Variants in SEMA5A observed in about 807,000 individuals in gnomAD.
SEMA5A encodes semaphorin 5A.
A neutral mutation model predicts 135.5 loss-of-function variants in SEMA5A; 55 were observed. That is an observed-to-expected ratio of 0.41 (90% CI 0.33 to 0.51). The LOEUF is 0.51. SEMA5A is among the 20% of genes least tolerant of loss of function. SEMA5A has a pLI of 0.37. For missense variants in SEMA5A, 1,290 were observed against 1,419.9 expected (o/e 0.91, Z 1.47); for synonymous variants, 580 against 546.5 (o/e 1.06, Z -0.85).
chr5:9,528,899 C>T (rs1339271691), intron 1 of SEMA5A, among the ~76,000 whole-genome samples: 1 of 152,196 alleles, frequency 6.6e-6, no homozygotes, highest in African/African-American at 2.4e-5. Flanking sequence ...AGAACAGTTT[C>T]ACCTGGGAGC....
intron 1 of SEMA5A, among the ~76,000 whole-genome samples, chr5:9,477,486 G>A (rs1579605074): frequency 6.6e-6 from 1 of 152,232 alleles, no homozygotes; most frequent in South Asian, 2.1e-4. Context: ...AATGCTGATA[G>A]TGATGTTGAT....
chr5:9,420,127 G>A (rs1349932589), intron 2 of SEMA5A, among the ~76,000 whole-genome samples: 1 of 152,026 alleles, frequency 6.6e-6, no homozygotes. Context: ...CATCATGAAC[G>A]ATGTGCAATG....
chr5:9,110,060 G>A (rs1186929183), intron 15 of SEMA5A, among the ~76,000 whole-genome samples: 2 of 152,174 alleles, frequency 1.3e-5, no homozygotes, highest in African/African-American at 4.8e-5. Flanking sequence ...GAGGCACACT[G>A]AACCCCTGTC....
intron 16 of SEMA5A, among the ~76,000 whole-genome samples, chr5:9,068,207 T>C (rs1279645005): frequency 6.6e-6 from 1 of 152,236 alleles, no homozygotes; most frequent in Non-Finnish European, 1.5e-5. Flanking sequence ...CAGTCTTTGT[T>C]TTCTGCTCTG....
At chr5:9,341,667 ATATATAT>A (rs1314789268) in intron 3 of SEMA5A, among the ~76,000 whole-genome samples, 2 of 77,130 alleles carry the variant, frequency 2.6e-5, no homozygotes, top group Non-Finnish European at 6.6e-5. Flanking sequence ...AATATATATA[ATATATAT>A]TATATATATA....
At chr5:9,401,742 A>T (rs1306035071) in intron 2 of SEMA5A, among the ~76,000 whole-genome samples, 1 of 152,236 alleles carries the variant, frequency 6.6e-6, no homozygotes, top group African/African-American at 2.4e-5. Flanking sequence ...TTTTTGTCCT[A>T]TAGGAGTTTT....
At chr5:9,059,277 TAC>T (rs1180084112) in intron 18 of SEMA5A, among the ~76,000 whole-genome samples, 9 of 152,212 alleles carry the variant, frequency 5.9e-5, no homozygotes, top group African/African-American at 2.2e-4. Flanking sequence ...CTGTTGTCTG[TAC>T]CTTTGTAGGT....
chr5:9,269,120 G>A (rs1396353877), intron 5 of SEMA5A, among the ~76,000 whole-genome samples: 3 of 152,136 alleles, frequency 2.0e-5, no homozygotes, highest in South Asian at 2.1e-4. Context: ...GAAAATCCGC[G>A]GGATGGAGAC....
chr5:9,155,798 C>A (rs1267324992), intron 11 of SEMA5A, among the ~76,000 whole-genome samples: 3 of 152,106 alleles, frequency 2.0e-5, no homozygotes, highest in Non-Finnish European at 4.4e-5. Flanking sequence ...TCTATGAAAG[C>A]CATAGAGATG....
chr5:9,349,694 G>C (rs183919351), intron 3 of SEMA5A, among the ~76,000 whole-genome samples: 1 of 152,072 alleles, frequency 6.6e-6, no homozygotes, highest in South Asian at 2.1e-4. Flanking sequence ...GAGGTCAGGA[G>C]ATCAAGACCA....
chr5:9,443,696 G>A (rs752551432), intron 1 of SEMA5A, among the ~76,000 whole-genome samples: 4 of 152,172 alleles, frequency 2.6e-5, no homozygotes, highest in African/African-American at 4.8e-5. Flanking sequence ...TGGTTCTCAC[G>A]CCTGCATTAG....
chr5:9,325,382 A>G (rs1396633676), intron 4 of SEMA5A, among the ~76,000 whole-genome samples: 1 of 152,198 alleles, frequency 6.6e-6, no homozygotes, highest in Admixed American at 6.5e-5. Context: ...CAAAGCTATT[A>G]AGTTTGGCAG....
chr5:9,327,282 C>T (rs1290703329), intron 4 of SEMA5A, among the ~76,000 whole-genome samples: 2 of 152,114 alleles, frequency 1.3e-5, no homozygotes, highest in South Asian at 2.1e-4. Flanking sequence ...CTCTACCCTC[C>T]TCAAAAATAG....
At chr5:9,339,247 G>C (rs1579372276) in intron 3 of SEMA5A, among the ~76,000 whole-genome samples, 1 of 152,184 alleles carries the variant, frequency 6.6e-6, no homozygotes, top group Admixed American at 6.5e-5. Flanking sequence ...ATAGGGGCTT[G>C]TGGGGTTACA....
intron 3 of SEMA5A, among the ~76,000 whole-genome samples, chr5:9,356,888 A>G (rs80176580): frequency 0.01 from 1,548 of 152,270 alleles, 26 homozygotes; most frequent in African/African-American, 0.035. Context: ...TGTCTCTTCC[A>G]CTGAAACGCT....
chr5:9,279,478 G>A (rs1380192116), intron 5 of SEMA5A, among the ~76,000 whole-genome samples: 3 of 152,130 alleles, frequency 2.0e-5, no homozygotes, highest in Admixed American at 1.3e-4. Flanking sequence ...ATAAGAGTAT[G>A]GGGGATTGTT....
chr5:9,335,498 C>T (rs1332222791), intron 4 of SEMA5A, among the ~76,000 whole-genome samples: 3 of 152,172 alleles, frequency 2.0e-5, no homozygotes, highest in Non-Finnish European at 2.9e-5. Context: ...GCACCCAGGA[C>T]CTCCAGAGAC....
At chr5:9,426,692 A>G (rs931949982) in intron 2 of SEMA5A, among the ~76,000 whole-genome samples, 4 of 152,146 alleles carry the variant, frequency 2.6e-5, no homozygotes, top group African/African-American at 9.7e-5. Context: ...GTCTTCACAA[A>G]TCATGCACAC....
At chr5:9,388,469 G>GAAAAA (rs397996757) in intron 2 of SEMA5A, among the ~76,000 whole-genome samples, 2,158 of 110,408 alleles carry the variant, frequency 0.02, 45 homozygotes, top group African/African-American at 0.069. Context: ...TCCTTTCTAA[G>GAAAAA]AAAAAAAAAA....
Sources: gnomAD v4.1 joint callset for allele counts (sites outside exome capture counted in the v4.1 genomes callset) on GRCh38, gnomAD v4.1.1 for gene constraint, MANE v1.5 for transcripts, NCBI Gene and HGNC (gene_info 2026-07-23, HGNC 2026-07-21) for gene names.